The following CADPS2 variants were observed in gnomAD, a reference collection of about 807,000 sequenced individuals.
CADPS2 encodes the protein calcium-dependent secretion activator 2.
CADPS2 carries 93 observed loss-of-function variants against 172.5 expected under a neutral mutation model. That is an observed-to-expected ratio of 0.54 (90% CI 0.46 to 0.64). The LOEUF (loss-of-function observed/expected upper bound fraction) is 0.64, where lower values mean the gene tolerates loss of function less well. Among genes scored for constraint, CADPS2 ranks in the 30% least tolerant of loss-of-function variants. CADPS2 has a pLI of 0.00. For missense variants in CADPS2, 1,420 were observed against 1,565.9 expected (o/e 0.91, Z 1.57); for synonymous variants, 546 against 555.2 (o/e 0.98, Z 0.23).
At chr7:122,845,623 G>GAT (rs1554490489) in intron 1 of CADPS2, among the ~76,000 whole-genome samples, 1 of 152,146 alleles carries the variant, frequency 6.6e-6, no homozygotes, top group Non-Finnish European at 1.5e-5. Flanking sequence ...CAGCAAGCTT[G>GAT]GGTTGAAAAG....
chr7:122,321,535 C>G (rs1477023839), intron 29 of CADPS2, among the ~76,000 whole-genome samples: 4 of 152,102 alleles, frequency 2.6e-5, no homozygotes, highest in African/African-American at 9.7e-5. Flanking sequence ...GTCATCCAGG[C>G]TGGAGTGCAG....
chr7:122,388,019 CT>C (rs2043897786), intron 23 of CADPS2, among the ~76,000 whole-genome samples: 1 of 151,914 alleles, frequency 6.6e-6, no homozygotes, highest in African/African-American at 2.4e-5. Flanking sequence ...GGATGCAAAG[CT>C]GATTTTTTAA....
Position 122,698,201 on chromosome 7 carries a change from G to A in CADPS2, c.454-34632C>T, listed in dbSNP as rs141697772. The stretch of plus-strand genomic sequence containing the variant: ...TCTTCATCCCCCTCTTTTACTACTC[G>A]AAGTTGGAGTTGTCCAAATGTGTTC... On this transcript the variant is annotated intron_variant, in intron 2 of 29. Coordinates refer to ENST00000449022, the MANE Select transcript of CADPS2 (RefSeq NM_017954.11). The A allele has an allele frequency of 9.8e-4, 1,589 of 1,613,764 alleles. 12 individuals are homozygous for A. The African/African-American group carries it at 0.019, about 19-fold the overall frequency.
intron 1 of CADPS2, among the ~76,000 whole-genome samples, chr7:122,813,952 T>C (rs988014737): frequency 2.6e-5 from 4 of 152,022 alleles, no homozygotes; most frequent in Admixed American, 6.5e-5. Context: ...TGACTATCCA[T>C]TCTAGATTCA....
intron 23 of CADPS2, among the ~76,000 whole-genome samples, chr7:122,388,228 A>C (rs2151441023): frequency 6.6e-6 from 1 of 152,188 alleles, no homozygotes; most frequent in Non-Finnish European, 1.5e-5. Context: ...GACACAGTAC[A>C]TAATGCATAC....
At position 122,810,944 on chromosome 7, in the gene CADPS2, C is replaced by T. The variant is rs941305433; in HGVS notation, c.340-73876G>A. On this transcript the variant is annotated intron_variant, in intron 1 of 29. Transcript: ENST00000449022. ...TTAGCTGTTTGTATCCATCTTGCCT[C>T]CTACTTCTGTTAATGTGTTAGATGT... Among the ~76,000 whole-genome samples the T allele has an allele frequency of 8.5e-5, 13 of 152,260 alleles. No homozygotes were observed. In the South Asian group the frequency reaches 2.3e-3, roughly 27 times the overall value.
intron 2 of CADPS2, among the ~76,000 whole-genome samples, chr7:122,728,131 T>C (rs1180250630): frequency 2.0e-5 from 3 of 151,884 alleles, no homozygotes; most frequent in Non-Finnish European, 4.4e-5. Flanking sequence ...GAAAAGTAAA[T>C]TTTTCTATTC....
At chr7:122,787,943 T>A (rs1235003429) in intron 1 of CADPS2, among the ~76,000 whole-genome samples, 1 of 152,128 alleles carries the variant, frequency 6.6e-6, no homozygotes, top group Admixed American at 6.5e-5. Context: ...ATTTACATGG[T>A]CCAACTAGAG....
At chr7:122,600,262 A>C (rs146837037) in intron 6 of CADPS2, among the ~76,000 whole-genome samples, 2 of 152,188 alleles carry the variant, frequency 1.3e-5, no homozygotes, top group East Asian at 3.9e-4. Context: ...CAAAGCAACA[A>C]AGCTAAGCTG....
intron 6 of CADPS2, among the ~76,000 whole-genome samples, chr7:122,597,105 A>G (rs2071930707): frequency 1.3e-5 from 2 of 152,054 alleles, no homozygotes; most frequent in African/African-American, 4.8e-5. Flanking sequence ...TTCATGAGGG[A>G]TCTGCCACTA....
At chr7:122,524,092 T>C (rs1047935986) in intron 8 of CADPS2, among the ~76,000 whole-genome samples, 1 of 152,210 alleles carries the variant, frequency 6.6e-6, no homozygotes, top group African/African-American at 2.4e-5. Context: ...TTTTGTGAGA[T>C]ACTCTATTAA....
intron 6 of CADPS2, among the ~76,000 whole-genome samples, chr7:122,599,664 C>A (rs191029034): frequency 6.6e-6 from 1 of 152,004 alleles, no homozygotes; most frequent in East Asian, 1.9e-4. Context: ...TTTTGTCAAC[C>A]GTAGAATTTA....
At chr7:122,652,527 A>C (rs955479862) in intron 3 of CADPS2, among the ~76,000 whole-genome samples, 2 of 152,162 alleles carry the variant, frequency 1.3e-5, no homozygotes, top group Admixed American at 6.5e-5. Flanking sequence ...CATTTCCTTA[A>C]AATATTCCAA....
At chr7:122,536,301 T>A (rs1297362454) in intron 8 of CADPS2, among the ~76,000 whole-genome samples, 1 of 151,986 alleles carries the variant, frequency 6.6e-6, no homozygotes, top group Admixed American at 6.6e-5. Context: ...AAATGAGGAA[T>A]TAAAGATGAA....
intron 2 of CADPS2, among the ~76,000 whole-genome samples, chr7:122,719,037 A>C (rs1162573432): frequency 6.6e-6 from 1 of 152,106 alleles, no homozygotes; most frequent in Non-Finnish European, 1.5e-5. Context: ...AAGTGAGTAA[A>C]GGAAAAGCCA....
intron 2 of CADPS2, among the ~76,000 whole-genome samples, chr7:122,714,401 T>G (rs566237010): frequency 6.6e-6 from 1 of 152,122 alleles, no homozygotes; most frequent in Non-Finnish European, 1.5e-5. Context: ...TAGCTTGATT[T>G]CCTATGTCTC....
intron 1 of CADPS2, among the ~76,000 whole-genome samples, chr7:122,793,041 A>C (rs1408608529): frequency 6.6e-6 from 1 of 152,166 alleles, no homozygotes; most frequent in African/African-American, 2.4e-5. Flanking sequence ...CATGCACTAA[A>C]AGCCTTTCTA....
At chr7:122,536,743 G>A (rs903930557) in intron 8 of CADPS2, among the ~76,000 whole-genome samples, 1 of 152,010 alleles carries the variant, frequency 6.6e-6, no homozygotes, top group African/African-American at 2.4e-5. Context: ...TTTGCACAGC[G>A]CTTTCAGATT....
At position 122,519,112 on chromosome 7, in the gene CADPS2, A is replaced by G. The variant is rs550530417; in HGVS notation, c.1476-5797T>C. Among the ~76,000 whole-genome samples, 5 of 152,192 alleles carry G rather than the reference A, an allele frequency of 3.3e-5. No homozygotes were observed. In the East Asian group the frequency reaches 7.7e-4, roughly 24 times the overall value. On this transcript the variant is annotated intron_variant, in intron 8 of 29. Coordinates refer to ENST00000449022, the MANE Select transcript of CADPS2 (RefSeq NM_017954.11). ...GTTGGGGCGGGGGAGGGAATCCCCAATCAAAGTTAAATTTGATCCAAGAAT... is the reference window on the plus strand; with the variant it reads ...GTTGGGGCGGGGGAGGGAATCCCCAGTCAAAGTTAAATTTGATCCAAGAAT...
Sources: allele counts gnomAD v4.1 joint callset (sites outside exome capture counted in the v4.1 genomes callset), GRCh38; gene constraint gnomAD v4.1.1; transcripts MANE v1.5; gene names NCBI Gene and HGNC (gene_info 2026-07-23, HGNC 2026-07-21).